MSRA: variants seen among roughly 807,000 people sequenced by gnomAD.
The protein encoded by MSRA is mitochondrial peptide methionine sulfoxide reductase.
MSRA carries 54 observed loss-of-function variants against 31.3 expected under a neutral mutation model. The ratio of observed to expected loss-of-function variants is 1.73; its 90% CI spans 1.39 to 2.17. The LOEUF (loss-of-function observed/expected upper bound fraction) is 2.17, where lower values mean the gene tolerates loss of function less well. MSRA is among the 30% of genes most tolerant of loss of function. The probability of loss-of-function intolerance (pLI) is 0.00; values close to 1 mark genes in which losing one functional copy is unlikely to be tolerated. For missense variants in MSRA, 507 were observed against 300.9 expected, an observed-to-expected ratio of 1.69 and a Z score of -5.07; for synonymous variants, 169 against 116.5, an observed-to-expected ratio of 1.45 and a Z score of -2.90.
At chr8:10,216,359 C>G (rs1420926224) in intron 2 of MSRA, among the ~76,000 whole-genome samples, 4 of 152,132 alleles carry the variant, frequency 2.6e-5, no homozygotes, top group Non-Finnish European at 5.9e-5. Flanking sequence ...CTAGCAGCAA[C>G]ATGAAGAAAA....
chr8:10,166,372 A>T (rs1481588011), intron 1 of MSRA, among the ~76,000 whole-genome samples: 1 of 152,046 alleles, frequency 6.6e-6, no homozygotes, highest in African/African-American at 2.4e-5. Context: ...ATGCACGTGT[A>T]TGCATTTGTA....
intron 5 of MSRA, among the ~76,000 whole-genome samples, chr8:10,381,414 T>C (rs891731025): frequency 6.6e-6 from 1 of 152,128 alleles, no homozygotes; most frequent in African/African-American, 2.4e-5. Context: ...AAAGGACATG[T>C]CCTGAAGAGC....
At chr8:10,217,896 T>C (rs915882332) in intron 2 of MSRA, among the ~76,000 whole-genome samples, 1 of 152,198 alleles carries the variant, frequency 6.6e-6, no homozygotes, top group African/African-American at 2.4e-5. Flanking sequence ...ATAAATAGTT[T>C]CTTTTCATCT....
intron 1 of MSRA, among the ~76,000 whole-genome samples, chr8:10,063,493 C>G (rs1797310491): frequency 6.6e-6 from 1 of 152,192 alleles, no homozygotes; most frequent in South Asian, 2.1e-4. Context: ...TGAGCTCCTT[C>G]CTTGCAGGTT....
intron 5 of MSRA, among the ~76,000 whole-genome samples, chr8:10,331,863 T>C (rs896160586): frequency 6.6e-6 from 1 of 152,220 alleles, no homozygotes; most frequent in African/African-American, 2.4e-5. Context: ...TTCTTAAAAT[T>C]TGTATTGTTG....
At chr8:10,266,715 T>G (rs1287447166) in intron 3 of MSRA, among the ~76,000 whole-genome samples, 1 of 152,212 alleles carries the variant, frequency 6.6e-6, no homozygotes, top group African/African-American at 2.4e-5. Context: ...GATGTACATT[T>G]AAGTCTGCAA....
At chr8:10,223,878 C>G (rs774050471) in intron 2 of MSRA, among the ~76,000 whole-genome samples, 46 of 152,098 alleles carry the variant, frequency 3.0e-4, no homozygotes, top group Non-Finnish European at 5.6e-4. Flanking sequence ...GTTTCATTTC[C>G]CCACTCCGAA....
intron 5 of MSRA, chr8:10,337,859 G>C (rs376442344): frequency 1.4e-6 from 1 of 700,442 alleles, no homozygotes; most frequent in East Asian, 2.7e-5. Context: ...AAATCAGTTT[G>C]TAAAGTGGTC....
intron 4 of MSRA, among the ~76,000 whole-genome samples, chr8:10,318,685 A>G (rs1041994965): frequency 6.6e-6 from 1 of 152,152 alleles, no homozygotes; most frequent in Non-Finnish European, 1.5e-5. Flanking sequence ...TGGGTAGACA[A>G]GCAGGGCCAC....
chr8:10,070,389 C>G (rs972577543), intron 1 of MSRA, among the ~76,000 whole-genome samples: 1 of 152,218 alleles, frequency 6.6e-6, no homozygotes, highest in African/African-American at 2.4e-5. Flanking sequence ...TAATAGCCCA[C>G]AGGCCAAGTG....
chr8:10,183,540 G>A (rs547748272), intron 1 of MSRA, among the ~76,000 whole-genome samples: 64 of 152,190 alleles, frequency 4.2e-4, no homozygotes, highest in South Asian at 6.2e-4. Flanking sequence ...AAGAAGTGGC[G>A]GTCAAGGCAA....
At chr8:10,229,682 T>C (rs1436054872) in intron 2 of MSRA, among the ~76,000 whole-genome samples, 1 of 152,192 alleles carries the variant, frequency 6.6e-6, no homozygotes, top group African/African-American at 2.4e-5. Context: ...AATAATATTC[T>C]CTTTACTCCT....
At chr8:10,069,250 T>G (rs940196529) in intron 1 of MSRA, among the ~76,000 whole-genome samples, 1 of 152,224 alleles carries the variant, frequency 6.6e-6, no homozygotes, top group African/African-American at 2.4e-5. Flanking sequence ...CACCTTTTAT[T>G]TCTTTTTCTT....
At chr8:10,111,918 C>G (rs1800318761) in intron 1 of MSRA, among the ~76,000 whole-genome samples, 1 of 152,182 alleles carries the variant, frequency 6.6e-6, no homozygotes, top group East Asian at 1.9e-4. Flanking sequence ...CCAGCTGGTC[C>G]TTGCAGCAGC....
intron 5 of MSRA, among the ~76,000 whole-genome samples, chr8:10,329,502 C>G (rs905428979): frequency 3.3e-5 from 5 of 152,220 alleles, no homozygotes; most frequent in South Asian, 4.1e-4. Context: ...CAAGAATACT[C>G]CCGCATCTCA....
At chr8:10,163,309 T>C (rs535344129) in intron 1 of MSRA, among the ~76,000 whole-genome samples, 10 of 152,274 alleles carry the variant, frequency 6.6e-5, no homozygotes, top group African/African-American at 2.4e-4. Flanking sequence ...GTGCTGAGAA[T>C]GTAGGGTAGA....
intron 1 of MSRA, among the ~76,000 whole-genome samples, chr8:10,102,414 G>A (rs1170780900): frequency 6.6e-6 from 1 of 152,060 alleles, no homozygotes; most frequent in Non-Finnish European, 1.5e-5. Flanking sequence ...TCTTCATTCT[G>A]CTGTTTAGCT....
chr8:10,081,894 CTT>C (rs1446113091), intron 1 of MSRA, among the ~76,000 whole-genome samples: 1 of 152,186 alleles, frequency 6.6e-6, no homozygotes, highest in African/African-American at 2.4e-5. Flanking sequence ...TCTGCTGACT[CTT>C]GTCTCATTTT....
intron 1 of MSRA, among the ~76,000 whole-genome samples, chr8:10,183,696 A>G (rs980786611): frequency 6.6e-6 from 1 of 151,688 alleles, no homozygotes; most frequent in African/African-American, 2.4e-5. Context: ...CTGGAAGCCC[A>G]GGCCTAGATA....
Sources: allele counts gnomAD v4.1 joint callset (sites outside exome capture counted in the v4.1 genomes callset), GRCh38; gene constraint gnomAD v4.1.1; transcripts MANE v1.5; gene names NCBI Gene and HGNC (gene_info 2026-07-23, HGNC 2026-07-21).